Variants in RAB6B observed in about 807,000 individuals in gnomAD.
The protein encoded by RAB6B is RAB6B, member RAS oncogene family.
A neutral mutation model predicts 31.2 loss-of-function variants in RAB6B; 7 were observed. The observed-to-expected ratio is 0.22, with a 90% CI of 0.13 to 0.42. The LOEUF is 0.42. RAB6B is among the 10% of genes least tolerant of loss of function. The probability of loss-of-function intolerance (pLI) is 1.00; values close to 1 mark genes in which losing one functional copy is unlikely to be tolerated. For synonymous variants in RAB6B, 105 were observed against 104.9 expected, an observed-to-expected ratio of 1.00 and a Z score of -0.01; for missense variants, 149 against 280.6, an observed-to-expected ratio of 0.53 and a Z score of 3.35.
At chr3:133,862,596 T>G (rs911041203) in intron 2 of RAB6B, among the ~76,000 whole-genome samples, 21 of 152,106 alleles carry the variant, frequency 1.4e-4, no homozygotes, top group African/African-American at 4.8e-4. Context: ...GGCAATGACA[T>G]GAGTCAAAGT....
chr3:133,833,130 T>C (rs1935679404), intron 7 of RAB6B, among the ~76,000 whole-genome samples: 1 of 152,118 alleles, frequency 6.6e-6, no homozygotes, highest in Admixed American at 6.5e-5. Flanking sequence ...TTGTTCCTGC[T>C]CCTATGTTTG....
rs954505268 is a variant in RAB6B at position 133,825,397 on chromosome 3, C to T, written c.*3391G>A. On this transcript the variant is annotated 3_prime_UTR_variant, in exon 8 of 8. Coordinates refer to ENST00000285208, the MANE Select transcript of RAB6B (RefSeq NM_016577.4). ...ATCCTTGTTTCTGTTGCCAGAGATA[C>T]TGAAACTGGTCTGGCCATTGCTCCC... 2.0e-5 allele frequency: 3 copies of T among 152,252 alleles called. No individual in the cohort carries two copies. The highest frequency in any genetic ancestry group is 7.2e-5 in the African/African-American group (3 of 41,448). 9.4% of individuals were successfully genotyped at this position (152,252 alleles called of 1,614,324 possible). A position where few individuals can be genotyped will look rare whatever the true frequency, so the allele number is the denominator to read the frequency against.
At chr3:133,855,294 G>C (rs183371781) in intron 2 of RAB6B, among the ~76,000 whole-genome samples, 4 of 152,388 alleles carry the variant, frequency 2.6e-5, no homozygotes, top group African/African-American at 4.8e-5. Context: ...AATGCGCCCT[G>C]GGGGAGGGGA....
rs1165628133 is a variant in RAB6B at position 133,857,420 on chromosome 3, T to C, written c.129+7164A>G. On this transcript the variant is annotated intron_variant, in intron 2 of 7. Coordinates refer to ENST00000285208, the MANE Select transcript of RAB6B (RefSeq NM_016577.4). ...TGGGGCTTAAACCTAGGCCTCTTTT[T>C]GAAGGGAAAAAAAAAAAAAAAAAAA... Among the ~76,000 whole-genome samples, 9 of 124,494 alleles carry C rather than the reference T, an allele frequency of 7.2e-5. 1 individual carries two copies. In the Admixed American group the frequency reaches 7.4e-4, roughly 10 times the overall value. 81.7% of individuals were successfully genotyped at this position (124,494 alleles called of 152,430 possible).
chr3:133,850,354 G>T (rs1935960378), intron 2 of RAB6B, among the ~76,000 whole-genome samples: 1 of 152,124 alleles, frequency 6.6e-6, no homozygotes, highest in South Asian at 2.1e-4. Context: ...CAAGAAAAAA[G>T]AGATTAAATG....
chr3:133,876,341 G>C (rs562053420), intron 1 of RAB6B, among the ~76,000 whole-genome samples: 2 of 152,084 alleles, frequency 1.3e-5, no homozygotes, highest in Admixed American at 6.5e-5. Context: ...TATATGACTC[G>C]GGCTGCTGCT....
chr3:133,863,135 TC>T (rs1368555776), intron 2 of RAB6B, among the ~76,000 whole-genome samples: 1 of 152,160 alleles, frequency 6.6e-6, no homozygotes, highest in African/African-American at 2.4e-5. Context: ...CATCCCACAG[TC>T]CACACCTGAG....
chr3:133,886,009 G>A (rs971395988), intron 1 of RAB6B, among the ~76,000 whole-genome samples: 2 of 152,078 alleles, frequency 1.3e-5, no homozygotes, highest in African/African-American at 4.8e-5. Context: ...AAACTCCCCA[G>A]TGGATCCCCA....
At chr3:133,833,107 C>G (rs1397969115) in intron 7 of RAB6B, among the ~76,000 whole-genome samples, 1 of 152,194 alleles carries the variant, frequency 6.6e-6, no homozygotes, top group African/African-American at 2.4e-5. Flanking sequence ...TGCACCTTGT[C>G]TGCCCCTCTC....
intron 2 of RAB6B, among the ~76,000 whole-genome samples, chr3:133,852,993 C>T (rs1212868011): frequency 6.6e-6 from 1 of 152,228 alleles, no homozygotes; most frequent in Non-Finnish European, 1.5e-5. Context: ...CTCCCCTACC[C>T]TCTTTTCCTT....
At chr3:133,873,932 A>G (rs1196967639) in intron 1 of RAB6B, among the ~76,000 whole-genome samples, 7 of 152,218 alleles carry the variant, frequency 4.6e-5, no homozygotes, top group Non-Finnish European at 8.8e-5. Flanking sequence ...TGTTATTACA[A>G]TCATAGGGAA....
chr3:133,855,255 G>C (rs1354432901), intron 2 of RAB6B, among the ~76,000 whole-genome samples: 3 of 152,278 alleles, frequency 2.0e-5, no homozygotes, highest in East Asian at 3.8e-4. Context: ...TGGCAAATAG[G>C]CTGGGCATAT....
chr3:133,885,580 T>C (rs1249873412), intron 1 of RAB6B: 1 of 702,950 alleles, frequency 1.4e-6, no homozygotes, highest in South Asian at 1.5e-5. Flanking sequence ...CCTGAGCAGG[T>C]AGCAGAGAGG....
chr3:133,892,371 G>C (rs1469793738), intron 1 of RAB6B, among the ~76,000 whole-genome samples: 3 of 152,180 alleles, frequency 2.0e-5, no homozygotes, highest in African/African-American at 7.2e-5. Flanking sequence ...CAGGGGGACA[G>C]CTGCCAGGAG....
At chr3:133,868,890 G>C (rs1361575214) in intron 1 of RAB6B, among the ~76,000 whole-genome samples, 3 of 152,192 alleles carry the variant, frequency 2.0e-5, no homozygotes, top group African/African-American at 7.2e-5. Flanking sequence ...CAATGAGTTA[G>C]TTATTATTCC....
intron 1 of RAB6B, among the ~76,000 whole-genome samples, chr3:133,883,915 A>G (rs1321944467): frequency 6.6e-6 from 1 of 152,200 alleles, no homozygotes. Context: ...GAGGGACCAG[A>G]GGAGGCTGGA....
At chr3:133,871,361 G>A (rs1447317866) in intron 1 of RAB6B, among the ~76,000 whole-genome samples, 2 of 152,244 alleles carry the variant, frequency 1.3e-5, no homozygotes, top group Non-Finnish European at 2.9e-5. Flanking sequence ...TTTGGGCTGA[G>A]CCTTGATTGA....
chr3:133,881,173 G>T (rs1004933299), intron 1 of RAB6B, among the ~76,000 whole-genome samples: 1 of 152,190 alleles, frequency 6.6e-6, no homozygotes, highest in Non-Finnish European at 1.5e-5. Flanking sequence ...TGGTGGCCAG[G>T]CTCACCTGTC....
chr3:133,840,473 G>A (rs1162261168), intron 4 of RAB6B, among the ~76,000 whole-genome samples: 1 of 152,348 alleles, frequency 6.6e-6, no homozygotes, highest in Middle Eastern at 3.4e-3. Context: ...CTCAGGTGTG[G>A]AGGGGGCCTG....
Sources: allele counts gnomAD v4.1 joint callset (sites outside exome capture counted in the v4.1 genomes callset), GRCh38; gene constraint gnomAD v4.1.1; transcripts MANE v1.5; gene names NCBI Gene and HGNC (gene_info 2026-07-23, HGNC 2026-07-21).